OPRM1: variants seen among roughly 807,000 people sequenced by gnomAD.
OPRM1 encodes opioid receptor mu 1.
A neutral mutation model predicts 31.8 loss-of-function variants in OPRM1; 27 were observed. That is an observed-to-expected ratio of 0.85 (90% CI 0.63 to 1.17). The LOEUF (loss-of-function observed/expected upper bound fraction) is 1.17, where lower values mean the gene tolerates loss of function less well. OPRM1 is among the 50% of genes most tolerant of loss of function. The pLI is 0.00. For missense variants in OPRM1, 536 were observed against 511.1 expected (o/e 1.05, Z -0.47); for synonymous variants, 196 against 189.9 (o/e 1.03, Z -0.26).
At chr6:154,021,406 C>A (rs1179334148) in intron 1 of OPRM1, among the ~76,000 whole-genome samples, 4 of 152,162 alleles carry the variant, frequency 2.6e-5, no homozygotes, top group African/African-American at 9.7e-5. Context: ...AGTCCTCCAA[C>A]TTTGTGCTTC....
chr6:154,011,387 A>T (rs970498768), intron 1 of OPRM1, among the ~76,000 whole-genome samples: 4 of 152,192 alleles, frequency 2.6e-5, no homozygotes, highest in Non-Finnish European at 5.9e-5. Context: ...AGCTAAGGAA[A>T]TTAATATTTA....
intron 3 of OPRM1, among the ~76,000 whole-genome samples, chr6:154,209,640 T>A (rs1368239034): frequency 8.6e-6 from 1 of 116,410 alleles, no homozygotes; most frequent in African/African-American, 3.2e-5. Context: ...TGAGACTGTG[T>A]CTCAAAAAAA....
chr6:154,025,647 C>T lies in OPRM1; in HGVS notation c.1-13514C>T, dbSNP rs1003185237. Among the ~76,000 whole-genome samples the T allele has an allele frequency of 2.6e-5, 4 of 151,924 alleles. No homozygotes were observed. In the East Asian group the frequency reaches 7.7e-4, roughly 29 times the overall value. ...TGCCTTTCAGTGAAGGTAATTTACT[C>T]TGGTTATATGGTTTTGTTTGTTGCT... On this transcript the variant is annotated intron_variant, in intron 1 of 5. Transcript: ENST00000434900.
chr6:154,174,558 A>G (rs527806909), intron 3 of OPRM1, among the ~76,000 whole-genome samples: 2 of 152,334 alleles, frequency 1.3e-5, no homozygotes, highest in African/African-American at 4.8e-5. Context: ...ACCAACAAAG[A>G]TCAAAAGAGA....
intron 3 of OPRM1, among the ~76,000 whole-genome samples, chr6:154,093,682 T>A (rs1051480345): frequency 1.3e-5 from 2 of 152,142 alleles, no homozygotes; most frequent in Non-Finnish European, 2.9e-5. Context: ...ACATTAGCCC[T>A]CGAATTGGTT....
At chr6:154,135,426 T>C (rs1798032241), downstream of OPRM1, among the ~76,000 whole-genome samples, 1 of 151,874 alleles carries the variant, frequency 6.6e-6, no homozygotes, top group African/African-American at 2.4e-5. Context: ...ACCGAGATCA[T>C]GCCACTGCAC....
chr6:154,137,486 A>T (rs548072364), intron 3 of OPRM1, among the ~76,000 whole-genome samples: 80 of 152,288 alleles, frequency 5.3e-4, no homozygotes, highest in African/African-American at 1.9e-3. Flanking sequence ...TTAATAAATC[A>T]TTAAATTTAT....
At chr6:154,187,243 A>C (rs1459680275) in intron 3 of OPRM1, among the ~76,000 whole-genome samples, 1 of 151,882 alleles carries the variant, frequency 6.6e-6, no homozygotes, top group Admixed American at 6.6e-5. Flanking sequence ...ACCCCACCCC[A>C]TACCCCACCT....
chr6:154,071,003 G>A (rs1379418033), intron 1 of OPRM1, among the ~76,000 whole-genome samples: 1 of 152,134 alleles, frequency 6.6e-6, no homozygotes, highest in African/African-American at 2.4e-5. Context: ...ATTGTAAGGT[G>A]CAAAATACCT....
chr6:154,207,604 T>C (rs1583799298), intron 3 of OPRM1, among the ~76,000 whole-genome samples: 4 of 152,308 alleles, frequency 2.6e-5, no homozygotes, highest in East Asian at 3.9e-4. Flanking sequence ...GGTTTCACCA[T>C]GTTGCCCAGG....
At chr6:154,095,972 C>T (rs1368683765) in intron 3 of OPRM1, among the ~76,000 whole-genome samples, 1 of 152,194 alleles carries the variant, frequency 6.6e-6, no homozygotes, top group Admixed American at 6.5e-5. Context: ...CTGTTGGCCA[C>T]TGCTAACCTG....
chr6:154,233,787 C>A (rs1188377706), intron 3 of OPRM1, among the ~76,000 whole-genome samples: 1 of 152,148 alleles, frequency 6.6e-6, no homozygotes, highest in Non-Finnish European at 1.5e-5. Context: ...CCACCAGCAC[C>A]TGCATCTCAC....
At chr6:154,189,534 A>C (rs1200259089) in intron 3 of OPRM1, among the ~76,000 whole-genome samples, 2 of 152,240 alleles carry the variant, frequency 1.3e-5, no homozygotes. Flanking sequence ...ATAGCAAATA[A>C]CAATGTAGTA....
intron 3 of OPRM1, among the ~76,000 whole-genome samples, chr6:154,100,022 CATATT>C (rs1413896765): frequency 1.0e-5 from 1 of 97,850 alleles, no homozygotes; most frequent in African/African-American, 3.6e-5. Context: ...TATATCATAA[CATATT>C]ATATATTATC....
intron 1 of OPRM1, among the ~76,000 whole-genome samples, chr6:154,061,225 A>G (rs1370117876): frequency 6.6e-6 from 1 of 152,180 alleles, no homozygotes; most frequent in Non-Finnish European, 1.5e-5. Flanking sequence ...TGAATTAAAT[A>G]CTTTCACAGA....
rs1381149402 is a variant in OPRM1, at chr6:154,110,359, TAG to T, written c.1165-8322_1165-8321del. The T allele has an allele frequency of 2.1e-6, 3 of 1,431,034 alleles. No homozygotes were observed. The East Asian group carries it at 7.4e-5, about 35-fold the overall frequency. The allele number at this position is 1,431,034 out of a possible 1,614,324, so 88.6% of individuals were successfully genotyped here. On this transcript the variant is annotated intron_variant, in intron 3 of 3. Coordinates refer to ENST00000330432, the MANE Select transcript of OPRM1 (RefSeq NM_000914.5). ...TTGAATGAAATATCTTTGCAGAAAA[TAG>T]ATTTATTTCAAAAGTCATCTTTACT...
intron 3 of OPRM1, among the ~76,000 whole-genome samples, chr6:154,242,961 G>T (rs947542696): frequency 5.3e-5 from 8 of 152,156 alleles, no homozygotes; most frequent in African/African-American, 1.4e-4. Context: ...AAAGGAGAAG[G>T]TACGTGCCTC....
intron 3 of OPRM1, among the ~76,000 whole-genome samples, chr6:154,099,609 C>G (rs1794144217): frequency 6.9e-6 from 1 of 144,910 alleles, no homozygotes. Context: ...GCAATAAAAT[C>G]TCTTAAATAA....
rs576407028 is a variant in OPRM1, at chr6:154,084,504, C to T, written c.291-5322C>T. Among the ~76,000 whole-genome samples, 7 of 152,004 alleles carry T rather than the reference C, an allele frequency of 4.6e-5. No homozygotes were observed. In the South Asian group the frequency reaches 1.5e-3, roughly 32 times the overall value. On this transcript the variant is annotated intron_variant, in intron 1 of 3. Transcript: ENST00000330432. ...ATGGATAATAATGGATCAATTAACTCAGGTAGATACTCATTTGACCATATT... is the reference window on the plus strand; with the variant it reads ...ATGGATAATAATGGATCAATTAACTTAGGTAGATACTCATTTGACCATATT...
Sources: allele counts gnomAD v4.1 joint callset (sites outside exome capture counted in the v4.1 genomes callset), GRCh38; gene constraint gnomAD v4.1.1; transcripts MANE v1.5; gene names NCBI Gene and HGNC (gene_info 2026-07-23, HGNC 2026-07-21).